Variants in PCNX4 observed in about 807,000 individuals in gnomAD.
The protein encoded by PCNX4 is pecanex 4.
A neutral mutation model predicts 107.2 loss-of-function variants in PCNX4; 103 were observed. The observed-to-expected ratio is 0.96, with a 90% CI of 0.82 to 1.13. PCNX4 has a LOEUF of 1.13. Ranked by LOEUF, PCNX4 falls within the 50% of genes most tolerant of loss-of-function variation. The pLI is 0.00. For synonymous variants in PCNX4, 541 were observed against 481.7 expected (o/e 1.12, Z -1.61); for missense variants, 1,528 against 1,379.4 (o/e 1.11, Z -1.71).
chr14:60,128,929 A>G (rs1388363063), intron 10 of PCNX4, among the ~76,000 whole-genome samples: 1 of 152,120 alleles, frequency 6.6e-6, no homozygotes, highest in Non-Finnish European at 1.5e-5. Context: ...AGGTTAACAT[A>G]AGGCTGGGCG....
At chr14:60,123,044 G>A (rs1166418941) in intron 8 of PCNX4, among the ~76,000 whole-genome samples, 4 of 152,204 alleles carry the variant, frequency 2.6e-5, no homozygotes, top group Middle Eastern at 3.4e-3. Flanking sequence ...ACAGCGCTCC[G>A]AGTGATGCTG....
chr14:60,121,058 GT>G, intron 7 of PCNX4, 137 bp from the exon 8 acceptor site: 2 of 1,079,814 alleles, frequency 1.9e-6, no homozygotes, highest in Non-Finnish European at 2.5e-6. Context: ...AGTTATTTCT[GT>G]TCTTGACCTA....
At chr14:60,093,415 A>G (rs1161090552) in intron 1 of PCNX4, among the ~76,000 whole-genome samples, 2 of 152,060 alleles carry the variant, frequency 1.3e-5, no homozygotes, top group East Asian at 1.9e-4. Context: ...GTCCCCATAA[A>G]TTTGCTTATT....
At position 60,116,096 on chromosome 14, in the gene PCNX4, T is replaced by G. The variant is rs765253204; in HGVS notation, c.1578+36T>G. On this transcript the variant is annotated intron_variant, in intron 6 of 10. Coordinates refer to ENST00000406854, the MANE Select transcript of PCNX4 (RefSeq NM_001330177.2). ...CTTTTAACAGCTTTACTGAAATATA[T>G]TTTACATACTATAATATTTGTCCAT... The G allele has an allele frequency of 3.3e-6, 5 of 1,510,356 alleles. 1 individual carries two copies. The South Asian group carries it at 6.3e-5, about 19-fold the overall frequency. 93.6% of individuals were successfully genotyped at this position (1,510,356 alleles called of 1,614,324 possible).
At chr14:60,093,244 A>G (rs1895345093) in intron 1 of PCNX4, among the ~76,000 whole-genome samples, 1 of 152,228 alleles carries the variant, frequency 6.6e-6, no homozygotes, top group Non-Finnish European at 1.5e-5. Context: ...TTTACATTCA[A>G]TACAATTCAC....
At position 60,118,574 on chromosome 14, in the gene PCNX4, G is replaced by C. The variant is rs754022910; in HGVS notation, c.1824G>C (p.Gln608His). ...VFLVGFPRPI[Q>H]SWPGAAGTTA... ...TGGTGGGGTTTCCCCGACCTATTCA[G>C]AGTTGGCCAGGAGCAGCAGGCACCA... is the stretch of plus-strand genomic sequence containing the variant. The change falls in exon 7 of 11, where the codon CAG becomes CAC. Residue 608 changes from glutamine (Q) to histidine (H), a missense_variant. Physicochemically the swap from Gln to His is conservative, Grantham distance 24 (BLOSUM62 0). Coordinates refer to ENST00000406854, the MANE Select transcript of PCNX4 (RefSeq NM_001330177.2). 6.2e-7 allele frequency: 1 copy of C among 1,613,680 alleles called. No homozygotes were observed. Among genetic ancestry groups the C allele is most frequent in the African/African-American group, 1.3e-5 (1 of 74,894 alleles).
chr14:60,118,196 C>A, intron 6 of PCNX4, 133 bp from the exon 7 acceptor site: 6 of 1,247,558 alleles, frequency 4.8e-6, no homozygotes, highest in South Asian at 2.5e-5. Context: ...ACAAAAAAAT[C>A]AAAGAATAAG....
chr14:60,126,411 C>A lies in PCNX4; in HGVS notation c.3267+588C>A, dbSNP rs972915918. Among the ~76,000 whole-genome samples, 3 of 152,204 alleles carry A rather than the reference C, an allele frequency of 2.0e-5. No homozygotes were observed. The East Asian group carries it at 5.8e-4, about 29-fold the overall frequency. ...TGGTTTGAGGAGCTCTGCAAATGCA[C>A]TCCCTAGTGAAACTGATGAAAATTC... is the stretch of plus-strand genomic sequence containing the variant. On this transcript the variant is annotated intron_variant, in intron 10 of 10. Coordinates refer to ENST00000406854, the MANE Select transcript of PCNX4 (RefSeq NM_001330177.2).
rs1255592898 is a variant in PCNX4, at chr14:60,135,841, T to G, written c.*1620T>G. ...CTGGGATTACAGGCGTGAGCCACCG[T>G]GCCCAGCCATAATTATCACTTTTAA... is the stretch of plus-strand genomic sequence containing the variant. On this transcript the variant is annotated 3_prime_UTR_variant, in exon 11 of 11. Transcript: ENST00000406854. The G allele has an allele frequency of 2.0e-5, 3 of 152,184 alleles. No homozygotes were observed. Among genetic ancestry groups the G allele is most frequent in the Admixed American group, 1.3e-4 (2 of 15,284 alleles). 9.4% of individuals were successfully genotyped at this position (152,184 alleles called of 1,614,324 possible).
intron 1 of PCNX4, among the ~76,000 whole-genome samples, chr14:60,092,798 G>A (rs911855353): frequency 2.6e-5 from 4 of 152,170 alleles, no homozygotes; most frequent in African/African-American, 9.7e-5. Flanking sequence ...CCCCCTGAAC[G>A]TGAAGCGCTC....
chr14:60,108,339 C>A lies in PCNX4; in HGVS notation c.689+12C>A. The A allele has an allele frequency of 6.4e-7, 1 of 1,560,674 alleles. No individual in the cohort carries two copies. Among genetic ancestry groups the A allele is most frequent in the South Asian group, 1.2e-5 (1 of 83,528 alleles). ...GATCTGGCACACAGGTAAAAACCTA[C>A]CAAATACTTTGTAACTAACTTTGTT... On this transcript the variant is annotated intron_variant, in intron 2 of 10. Transcript: ENST00000406854.
At chr14:60,125,851 A>C (rs373819318) in intron 10 of PCNX4, 28 bp downstream of exon 10, 2 of 1,468,324 alleles carry the variant, frequency 1.4e-6, no homozygotes, top group African/African-American at 2.8e-5. Context: ...TTAAACTTAC[A>C]TATACTAACC....
chr14:60,133,019 G>A (rs1007090461), intron 10 of PCNX4, among the ~76,000 whole-genome samples: 1 of 152,160 alleles, frequency 6.6e-6, no homozygotes, highest in Non-Finnish European at 1.5e-5. Context: ...AGCCACTTTG[G>A]AAAACATTCT....
chr14:60,128,437 A>G (rs367915704), intron 10 of PCNX4, among the ~76,000 whole-genome samples: 4 of 152,326 alleles, frequency 2.6e-5, no homozygotes, highest in South Asian at 2.1e-4. Context: ...GACATATTCA[A>G]AGTGCCCCCT....
At chr14:60,127,805 G>T (rs1032443787) in intron 10 of PCNX4, among the ~76,000 whole-genome samples, 1 of 152,164 alleles carries the variant, frequency 6.6e-6, no homozygotes, top group Non-Finnish European at 1.5e-5. Context: ...ACAGATGTCA[G>T]ATTTAATAAA....
chr14:60,101,862 A>ATG (rs1045901899), intron 1 of PCNX4, among the ~76,000 whole-genome samples: 2 of 152,240 alleles, frequency 1.3e-5, no homozygotes, highest in African/African-American at 4.8e-5. Context: ...GTTAAAGAAA[A>ATG]TGTGGTATAG....
At position 60,136,122 on chromosome 14, in the gene PCNX4, T is replaced by G. The variant is rs1452991626; in HGVS notation, c.*1901T>G. 2 of 151,874 alleles carry G rather than the reference T, an allele frequency of 1.3e-5. No homozygotes were observed. Among genetic ancestry groups the G allele is most frequent in the Non-Finnish European group, 2.9e-5 (2 of 67,968 alleles). 9.4% of individuals were successfully genotyped at this position (151,874 alleles called of 1,614,324 possible). A position where few individuals can be genotyped will look rare whatever the true frequency, so the allele number is the denominator to read the frequency against. Reference sequence around the variant, plus strand: ...TCTCCCAAATTAAAAAAAAAAAAAGTTTTTATTAAGGTCACTATTGACCTT... The same window carrying G: ...TCTCCCAAATTAAAAAAAAAAAAAGGTTTTATTAAGGTCACTATTGACCTT... On this transcript the variant is annotated 3_prime_UTR_variant, in exon 11 of 11. Transcript: ENST00000406854.
chr14:60,117,024 A>G (rs1359521781), intron 6 of PCNX4, among the ~76,000 whole-genome samples: 1 of 152,216 alleles, frequency 6.6e-6, no homozygotes, highest in Non-Finnish European at 1.5e-5. Context: ...GCTAAGTGTC[A>G]TTACAAAACA....
rs755799912 is a variant in PCNX4 at position 60,107,887 on chromosome 14, T to C, written c.249T>C (p.Thr83=). The change falls in exon 2 of 11, where the codon ACT becomes ACC. Residue 83 remains threonine, a synonymous_variant. Coordinates refer to ENST00000406854, the MANE Select transcript of PCNX4 (RefSeq NM_001330177.2). ...AALSGGLMLF[T]AFVIQFTSLY... is the part of the protein sequence containing the mutation. ...TTTCAGGTGGATTAATGCTTTTTAC[T>C]GCATTTGTCATCCAGTTCACAAGTT... 5.9e-5 allele frequency: 95 copies of C among 1,612,782 alleles called. No individual in the cohort carries two copies. The highest frequency in any genetic ancestry group is 7.8e-5 in the Non-Finnish European group (92 of 1,179,900).
Sources: gnomAD v4.1 joint callset for allele counts (sites outside exome capture counted in the v4.1 genomes callset) on GRCh38, gnomAD v4.1.1 for gene constraint, MANE v1.5 for transcripts, NCBI Gene and HGNC (gene_info 2026-07-23, HGNC 2026-07-21) for gene names.